Variants in ARF4 observed in about 807,000 individuals in gnomAD.
ARF4 encodes the protein ADP-ribosylation factor 4.
Under a neutral mutation model 24.3 loss-of-function variants are expected in ARF4, and 5 were observed. The observed-to-expected ratio is 0.21, with a 90% CI of 0.11 to 0.43. The LOEUF is 0.43. Ranked by LOEUF, ARF4 falls within the 20% of genes least tolerant of loss-of-function variation. The probability of loss-of-function intolerance (pLI) is 1.00; values close to 1 mark genes in which losing one functional copy is unlikely to be tolerated. For synonymous variants in ARF4, 62 were observed against 73.5 expected (o/e 0.84, Z 0.80); for missense variants, 107 against 213.0 (o/e 0.50, Z 3.10).
chr3:57,583,485 C>T (rs993987381), intron 3 of ARF4, among the ~76,000 whole-genome samples: 8 of 152,182 alleles, frequency 5.3e-5, no homozygotes, highest in Middle Eastern at 6.8e-3. Flanking sequence ...ATCAATGCAG[C>T]GAACTGACTT....
At chr3:57,583,358 G>A (rs1052684283) in intron 3 of ARF4, among the ~76,000 whole-genome samples, 2 of 152,162 alleles carry the variant, frequency 1.3e-5, no homozygotes, top group Admixed American at 1.3e-4. Context: ...AGGTCCCCAT[G>A]TGATTCTTAC....
chr3:57,586,483 C>G (rs2070038325), intron 1 of ARF4, among the ~76,000 whole-genome samples: 1 of 152,210 alleles, frequency 6.6e-6, no homozygotes, highest in South Asian at 2.1e-4. Context: ...CCTTTCTACT[C>G]TGTACCCTAC....
chr3:57,587,251 G>A (rs566291599), intron 1 of ARF4, among the ~76,000 whole-genome samples: 3 of 150,168 alleles, frequency 2.0e-5, no homozygotes, highest in Admixed American at 6.7e-5. Context: ...CCCAGGAGGC[G>A]GATGTTGCAG....
At chr3:57,584,614 C>G in intron 1 of ARF4, 150 bp from the exon 2 acceptor site, 1 of 666,864 alleles carries the variant, frequency 1.5e-6, no homozygotes, top group Non-Finnish European at 2.5e-6. Context: ...TTTCTGATTC[C>G]CAAAGGCAAC....
chr3:57,577,432 T>C (rs1212343783), intron 3 of ARF4, 45 bp from the exon 4 acceptor site: 1 of 1,490,666 alleles, frequency 6.7e-7, no homozygotes, highest in East Asian at 2.3e-5. Flanking sequence ...TAAACGACAC[T>C]CTCTATATGA....
At chr3:57,589,984 G>A (rs1378082230) in intron 1 of ARF4, among the ~76,000 whole-genome samples, 2 of 150,382 alleles carry the variant, frequency 1.3e-5, no homozygotes, top group Non-Finnish European at 1.5e-5. Flanking sequence ...CCAGCTACTC[G>A]GGAGGCTGAG....
At chr3:57,577,471 T>C (rs1309828391) in intron 3 of ARF4, 84 bp from the exon 4 acceptor site, 3 of 1,003,880 alleles carry the variant, frequency 3.0e-6, no homozygotes, top group African/African-American at 1.6e-5. Context: ...ATGGTACCAA[T>C]GGTTAGACAT....
At chr3:57,584,993 A>G (rs1442335779) in intron 1 of ARF4, among the ~76,000 whole-genome samples, 1 of 152,008 alleles carries the variant, frequency 6.6e-6, no homozygotes, top group Non-Finnish European at 1.5e-5. Flanking sequence ...CCTCCCAAGT[A>G]GCTGGGACTA....
intron 1 of ARF4, among the ~76,000 whole-genome samples, chr3:57,589,094 C>CT (rs1212004252): frequency 9.1e-6 from 1 of 109,768 alleles, no homozygotes; most frequent in Non-Finnish European, 2.0e-5. Context: ...AGGAGCAAAA[C>CT]TCCGTCTCAA....
chr3:57,596,741 G>A, intron 1 of ARF4: 1 of 291,498 alleles, frequency 3.4e-6, no homozygotes, highest in Non-Finnish European at 6.7e-6. Flanking sequence ...CCCCCAGAAA[G>A]GGCCTCGCCA....
At chr3:57,585,045 G>A (rs1210417219) in intron 1 of ARF4, among the ~76,000 whole-genome samples, 1 of 151,994 alleles carries the variant, frequency 6.6e-6, no homozygotes, top group African/African-American at 2.4e-5. Context: ...TGTATTTTTA[G>A]TAGAGACGGG....
At position 57,572,391 on chromosome 3, in the gene ARF4, A is replaced by C. The variant is rs1338221004; in HGVS notation, c.457-93T>G. On this transcript the variant is annotated intron_variant, in intron 5 of 5. Transcript: ENST00000303436. ...CTTAATCAAACTTAAGAGTCTTTTC[A>C]CACCTCTTGCATCTCACAAAACTCT... is the stretch of plus-strand genomic sequence containing the variant. 4.3e-6 allele frequency: 4 copies of C among 938,058 alleles called. No homozygotes were observed. The African/African-American group carries it at 6.6e-5, about 15-fold the overall frequency. 58.1% of individuals were successfully genotyped at this position (938,058 alleles called of 1,614,324 possible).
chr3:57,585,461 A>G (rs2070024651), intron 1 of ARF4, among the ~76,000 whole-genome samples: 1 of 152,172 alleles, frequency 6.6e-6, no homozygotes, highest in South Asian at 2.1e-4. Flanking sequence ...CCAAAATGAA[A>G]ACCAAAGTCT....
intron 1 of ARF4, among the ~76,000 whole-genome samples, chr3:57,592,816 T>C (rs1423689468): frequency 6.6e-6 from 1 of 152,134 alleles, no homozygotes; most frequent in Non-Finnish European, 1.5e-5. Context: ...ACCAATAACC[T>C]GAGAAAATGC....
chr3:57,588,201 CT>C (rs1260087057), intron 1 of ARF4, among the ~76,000 whole-genome samples: 1 of 152,184 alleles, frequency 6.6e-6, no homozygotes, highest in East Asian at 1.9e-4. Flanking sequence ...TAAAGATGTA[CT>C]GGAATACTTG....
In ARF4 at chr3:57,597,098, T is replaced by G; in HGVS notation, c.43A>C (p.Lys15Gln). ...CCCATCAAAATGCGCATCTGCTTCT[T>G]GCCAAATAGTCGGGAGAAGAGGGAG... Reference protein sequence around the residue: ...ISSLFSRLFGKKQMRILMVGL... With the variant: ...ISSLFSRLFGQKQMRILMVGL... Residue 15 changes from lysine (K) to glutamine (Q), a missense_variant, in exon 1 of 6, where the codon AAG becomes CAG. Lys to Gln is a moderately conservative substitution (Grantham distance 53). Transcript: ENST00000303436. 6.2e-7 allele frequency: 1 copy of G among 1,614,186 alleles called. No homozygotes were observed. The highest frequency in any genetic ancestry group is 8.5e-7 in the Non-Finnish European group (1 of 1,180,008).
In ARF4 at chr3:57,583,070, C is replaced by T. The variant is rs556406916; in HGVS notation, c.258+828G>A. ...CAACCTACAATGCATAGAGAGCCCTCCCCATACCCAACAACAAAGAATAAC... is the reference window on the plus strand; with the variant it reads ...CAACCTACAATGCATAGAGAGCCCTTCCCATACCCAACAACAAAGAATAAC... On this transcript the variant is annotated intron_variant, in intron 3 of 5. Coordinates refer to ENST00000303436, the MANE Select transcript of ARF4 (RefSeq NM_001660.4). 4.6e-5 allele frequency among the ~76,000 whole-genome samples: 7 copies of T among 152,252 alleles called. No homozygotes were observed. In the East Asian group the frequency reaches 1.4e-3, roughly 29 times the overall value.
In ARF4 at chr3:57,597,187, C is replaced by T. The variant is rs778674871; in HGVS notation, c.-47G>A. ...GGGCAGAAGCAGAAGGGGTTTGGGG[C>T]GACCCCGTGCTTTCTCCTTTCAAGC... On this transcript the variant is annotated 5_prime_UTR_variant, in exon 1 of 6. Coordinates refer to ENST00000303436, the MANE Select transcript of ARF4 (RefSeq NM_001660.4). 1.9e-6 allele frequency: 3 copies of T among 1,553,428 alleles called. No individual in the cohort carries two copies. Among genetic ancestry groups the T allele is most frequent in the South Asian group, 2.2e-5 (2 of 89,130 alleles).
chr3:57,581,607 C>T (rs1328770374), intron 3 of ARF4, among the ~76,000 whole-genome samples: 1 of 152,180 alleles, frequency 6.6e-6, no homozygotes. Flanking sequence ...TCGAGACCAG[C>T]CTGGCTAACA....
Sources: gnomAD v4.1 joint callset for allele counts (sites outside exome capture counted in the v4.1 genomes callset) on GRCh38, gnomAD v4.1.1 for gene constraint, MANE v1.5 for transcripts, NCBI Gene and HGNC (gene_info 2026-07-23, HGNC 2026-07-21) for gene names.